The following PLEKHA8 variants were observed in gnomAD, a reference collection of about 807,000 sequenced individuals.
The protein encoded by PLEKHA8 is pleckstrin homology domain containing A8.
Under a neutral mutation model 68.2 loss-of-function variants are expected in PLEKHA8, and 36 were observed. That is an observed-to-expected ratio of 0.53 (90% confidence interval 0.40 to 0.70). PLEKHA8 has a LOEUF of 0.70. Among genes scored for constraint, PLEKHA8 ranks in the 30% least tolerant of loss-of-function variants. The pLI, the probability that PLEKHA8 is intolerant of heterozygous loss-of-function variation, is 0.00. For synonymous variants in PLEKHA8, 211 were observed against 216.1 expected (o/e 0.98, Z 0.20); for missense variants, 505 against 615.4 (o/e 0.82, Z 1.90).
At position 30,080,380 on chromosome 7, in the gene PLEKHA8, G is replaced by T; in HGVS notation, c.*1593G>T. Reference sequence around the variant, plus strand: ...TCTAGTAACAGGAAGGGAAGTTCCAGCATGAGGTAGTTATCCAGGGTAGAA... The same window carrying T: ...TCTAGTAACAGGAAGGGAAGTTCCATCATGAGGTAGTTATCCAGGGTAGAA... On this transcript the variant is annotated 3_prime_UTR_variant, in exon 14 of 14. Transcript: ENST00000449726. The T allele has an allele frequency of 1.0e-6, 1 of 985,268 alleles. No homozygotes were observed. Among genetic ancestry groups the T allele is most frequent in the Non-Finnish European group, 1.2e-6 (1 of 829,892 alleles). 61.0% of individuals were successfully genotyped at this position (985,268 alleles called of 1,614,324 possible).
At chr7:30,056,781 GTGTGTATATATA>G (rs1372917942) in intron 9 of PLEKHA8, among the ~76,000 whole-genome samples, 10 of 86,096 alleles carry the variant, frequency 1.2e-4, no homozygotes, top group African/African-American at 4.2e-4. Flanking sequence ...GTGTGTGTGT[GTGTGTATATATA>G]TATGTTATGT....
Position 30,082,010 on chromosome 7 carries a change from TGAG to T in PLEKHA8, c.*3227_*3229del. ...TGGGAGTGAAACCAAATTGTAACTA[TGAG>T]GAGAAGATGGTCTTCTCATTGGCTC... is the stretch of plus-strand genomic sequence containing the variant. On this transcript the variant is annotated 3_prime_UTR_variant, in exon 14 of 14. Coordinates refer to ENST00000449726, the MANE Select transcript of PLEKHA8 (RefSeq NM_001197026.2). The T allele has an allele frequency of 1.1e-6, 1 of 925,108 alleles. No individual in the cohort carries two copies. Among genetic ancestry groups the T allele is most frequent in the Non-Finnish European group, 1.3e-6 (1 of 775,232 alleles). 57.3% of individuals were successfully genotyped at this position (925,108 alleles called of 1,614,324 possible).
chr7:30,029,207 C>T (rs1330725880), intron 1 of PLEKHA8, among the ~76,000 whole-genome samples: 1 of 152,242 alleles, frequency 6.6e-6, no homozygotes, highest in Non-Finnish European at 1.5e-5. Flanking sequence ...AAAAGAATGC[C>T]AGCAGTAACC....
At chr7:30,111,648 C>CT (rs1796278974) in intron 13 of PLEKHA8, among the ~76,000 whole-genome samples, 1 of 149,934 alleles carries the variant, frequency 6.7e-6, no homozygotes, top group African/African-American at 2.5e-5. Flanking sequence ...GAGACAGGGT[C>CT]TCGTTCTGTC....
intron 1 of PLEKHA8, among the ~76,000 whole-genome samples, chr7:30,033,128 G>A (rs534385167): frequency 1.3e-5 from 2 of 152,242 alleles, no homozygotes; most frequent in Admixed American, 1.3e-4. Context: ...TTTTGTTGTT[G>A]TTAACATTTT....
intron 12 of PLEKHA8, among the ~76,000 whole-genome samples, chr7:30,066,745 A>G (rs933949566): frequency 6.6e-6 from 1 of 152,222 alleles, no homozygotes. Context: ...GTGGGATAAC[A>G]TATTGCCACA....
intron 1 of PLEKHA8, among the ~76,000 whole-genome samples, chr7:30,032,122 C>A (rs1404737849): frequency 6.6e-6 from 1 of 152,156 alleles, no homozygotes; most frequent in Non-Finnish European, 1.5e-5. Context: ...GTTACAGATT[C>A]CCACATTGTG....
chr7:30,046,287 G>T lies in PLEKHA8; in HGVS notation c.235G>T (p.Ala79Ser). The change falls in exon 3 of 14, where the codon GCT becomes TCT. Residue 79 changes from alanine to serine, a missense_variant. Coordinates refer to ENST00000449726, the MANE Select transcript of PLEKHA8 (RefSeq NM_001197026.2). ...TTTCTACCTGAAGGCCAGAAGTGTG[G>T]CTGAAAGACAGCGGTGGCTGGTGGC... ...QYFYLKARSV[A>S]ERQRWLVALG... 1 of 1,614,010 alleles carries T rather than the reference G, an allele frequency of 6.2e-7. No individual in the cohort carries two copies. Among genetic ancestry groups the T allele is most frequent in the Non-Finnish European group, 8.5e-7 (1 of 1,179,914 alleles).
chr7:30,037,454 G>A (rs919801336), intron 1 of PLEKHA8, among the ~76,000 whole-genome samples: 2 of 152,120 alleles, frequency 1.3e-5, no homozygotes, highest in African/African-American at 4.8e-5. Flanking sequence ...ACTATCTCTT[G>A]AATCAGATTC....
intron 13 of PLEKHA8, among the ~76,000 whole-genome samples, chr7:30,102,832 A>G (rs1795899610): frequency 1.3e-5 from 2 of 152,262 alleles, no homozygotes; most frequent in African/African-American, 4.8e-5. Flanking sequence ...GGATGGCTTG[A>G]GGCCAAGGCC....
At chr7:30,094,339 A>G (rs910216095), downstream of PLEKHA8, among the ~76,000 whole-genome samples, 1 of 150,812 alleles carries the variant, frequency 6.6e-6, no homozygotes, top group Non-Finnish European at 1.5e-5. Flanking sequence ...TAGTGGCGCA[A>G]TCTCGGCTCA....
intron 9 of PLEKHA8, among the ~76,000 whole-genome samples, 169 bp from the exon 10 acceptor site, chr7:30,060,709 TAGAAAA>T (rs1450285826): frequency 6.6e-6 from 1 of 152,158 alleles, no homozygotes; most frequent in African/African-American, 2.4e-5. Flanking sequence ...AGTAGTGTAA[TAGAAAA>T]AGATGGTAAT....
At position 30,080,567 on chromosome 7, in the gene PLEKHA8, T is replaced by G; in HGVS notation, c.*1780T>G. The G allele has an allele frequency of 1.0e-6, 1 of 985,396 alleles. No individual in the cohort carries two copies. The highest frequency in any genetic ancestry group is 4.7e-5 in the South Asian group (1 of 21,288). The allele number at this position is 985,396 out of a possible 1,614,324, so 61.0% of individuals were successfully genotyped here. A position where few individuals can be genotyped will look rare whatever the true frequency, so the allele number is the denominator to read the frequency against. ...GTGTGTCTTTAAACAAATGAACATT[T>G]ATTTAGCTCAGATTAATTAGGTATT... On this transcript the variant is annotated 3_prime_UTR_variant, in exon 14 of 14. Coordinates refer to ENST00000449726, the MANE Select transcript of PLEKHA8 (RefSeq NM_001197026.2).
intron 13 of PLEKHA8, among the ~76,000 whole-genome samples, chr7:30,113,562 A>G (rs1246853057): frequency 1.3e-5 from 2 of 151,988 alleles, no homozygotes; most frequent in African/African-American, 4.8e-5. Context: ...TTCATTTCTT[A>G]TCTTTGGTCT....
intron 13 of PLEKHA8, chr7:30,075,039 ACCT>A (rs1307036657): frequency 1.3e-5 from 2 of 152,098 alleles, no homozygotes; most frequent in Non-Finnish European, 1.5e-5. Flanking sequence ...ATGTCAGGAA[ACCT>A]CATAGAATGT....
At position 30,079,558 on chromosome 7, in the gene PLEKHA8, A is replaced by G; in HGVS notation, c.*771A>G. ...TGCATTATCTCAATTGGACATCACA[A>G]GTAATGATACCCAGAGGGATTATTA... On this transcript the variant is annotated 3_prime_UTR_variant, in exon 14 of 14. Transcript: ENST00000449726. The G allele has an allele frequency of 2.2e-6, 2 of 906,634 alleles. No individual in the cohort carries two copies. 56.2% of individuals were successfully genotyped at this position (906,634 alleles called of 1,614,324 possible).
intron 13 of PLEKHA8, among the ~76,000 whole-genome samples, chr7:30,114,203 C>CTT (rs373731966): frequency 6.6e-6 from 1 of 151,994 alleles, no homozygotes; most frequent in African/African-American, 2.4e-5. Context: ...CCCTACTTTT[C>CTT]TTTTTTTTGT....
downstream of PLEKHA8, chr7:30,129,478 G>A (rs1796837249): frequency 4.0e-6 from 3 of 757,624 alleles, no homozygotes; most frequent in Non-Finnish European, 6.3e-6. Flanking sequence ...AGTCACTTTA[G>A]TCAAGATTTT....
chr7:30,084,999 C>A (rs1241684981), downstream of PLEKHA8, among the ~76,000 whole-genome samples: 1 of 150,334 alleles, frequency 6.7e-6, no homozygotes, highest in African/African-American at 2.5e-5. Flanking sequence ...GGCTGGAGTG[C>A]AATGGCACAA....
Sources: allele counts gnomAD v4.1 joint callset (sites outside exome capture counted in the v4.1 genomes callset), GRCh38; gene constraint gnomAD v4.1.1; transcripts MANE v1.5; gene names NCBI Gene and HGNC (gene_info 2026-07-23, HGNC 2026-07-21).